Variants in CDC123 observed in about 807,000 individuals in gnomAD.
CDC123 encodes the protein translation initiation factor eIF2 assembly protein.
A neutral mutation model predicts 54.4 loss-of-function variants in CDC123; 37 were observed. The ratio of observed to expected loss-of-function variants is 0.68; its 90% CI spans 0.52 to 0.89. The LOEUF (loss-of-function observed/expected upper bound fraction) is 0.89, where lower values mean the gene tolerates loss of function less well. Among genes scored for constraint, CDC123 ranks in the 40% least tolerant of loss-of-function variants. CDC123 has a pLI of 0.00. For synonymous variants in CDC123, 144 were observed against 136.8 expected (o/e 1.05, Z -0.37); for missense variants, 361 against 412.1 (o/e 0.88, Z 1.07).
At chr10:12,218,273 G>T (rs1835688833) in intron 6 of CDC123, among the ~76,000 whole-genome samples, 1 of 141,778 alleles carries the variant, frequency 7.1e-6, no homozygotes. Context: ...TTGAGGCAGG[G>T]TCTCACTCTG....
At chr10:12,202,211 C>T (rs767950537) in intron 2 of CDC123, among the ~76,000 whole-genome samples, 8 of 152,096 alleles carry the variant, frequency 5.3e-5, no homozygotes, top group Non-Finnish European at 1.0e-4. Context: ...CCTGTTTCAC[C>T]GTCACTCCAT....
chr10:12,225,746 C>CTTTTTTTTTTTTT (rs60404885), intron 6 of CDC123, among the ~76,000 whole-genome samples: 12 of 66,958 alleles, frequency 1.8e-4, no homozygotes, highest in Admixed American at 4.5e-4. Flanking sequence ...TAGCTTCTCT[C>CTTTTTTTTTTTTT]TTTTTTTTTT....
chr10:12,200,634 TA>T (rs1835427565), intron 2 of CDC123, among the ~76,000 whole-genome samples: 1 of 152,100 alleles, frequency 6.6e-6, no homozygotes, highest in Non-Finnish European at 1.5e-5. Flanking sequence ...GCACTGATGT[TA>T]AATACTGTTA....
At chr10:12,218,247 CT>C (rs34125393) in intron 6 of CDC123, among the ~76,000 whole-genome samples, 2,566 of 119,118 alleles carry the variant, frequency 0.022, 36 homozygotes, top group African/African-American at 0.074. Context: ...CTTTTTTTTT[CT>C]TTTTTTTTTT....
intron 6 of CDC123, among the ~76,000 whole-genome samples, chr10:12,220,098 T>C (rs1017793598): frequency 6.6e-6 from 1 of 152,240 alleles, no homozygotes; most frequent in Non-Finnish European, 1.5e-5. Context: ...CCTGAAGTGC[T>C]GGGATTACAA....
At chr10:12,207,752 C>G (rs770941127) in intron 2 of CDC123, among the ~76,000 whole-genome samples, 8 of 152,200 alleles carry the variant, frequency 5.3e-5, no homozygotes, top group Non-Finnish European at 8.8e-5. Context: ...TTCAGTTTGA[C>G]TTTCACATAA....
At chr10:12,237,122 A>C (rs1835987975) in intron 8 of CDC123, 22 bp from the exon 9 acceptor site, 1 of 1,514,764 alleles carries the variant, frequency 6.6e-7, no homozygotes, top group Non-Finnish European at 8.8e-7. Context: ...TAATAACAGG[A>C]TGTAAAATAT....
At chr10:12,225,056 A>C (rs948130748) in intron 6 of CDC123, among the ~76,000 whole-genome samples, 1 of 152,064 alleles carries the variant, frequency 6.6e-6, no homozygotes, top group African/African-American at 2.4e-5. Context: ...TTTCCCAAGA[A>C]CCCCTTACAG....
Position 12,210,315 on chromosome 10 carries a change from C to T in CDC123, c.230C>T (p.Thr77Met), listed in dbSNP as rs1199476947. Reference protein sequence around the residue: ...IQWSDDENTATLTAPEFPEFA... With the variant: ...IQWSDDENTAMLTAPEFPEFA... ...TGGTCTGATGATGAGAACACAGCCA[C>T]GCTTACGGTAAGAGCACAGCAGACT... is the stretch of plus-strand genomic sequence containing the variant. The change falls in exon 4 of 13, where the codon ACG (threonine) becomes ATG (methionine). Residue 77 changes from threonine (T) to methionine (M), a missense_variant. Transcript: ENST00000281141. The T allele has an allele frequency of 2.7e-5, 44 of 1,613,914 alleles. No individual in the cohort carries two copies. The highest frequency in any genetic ancestry group is 3.5e-5 in the Non-Finnish European group (41 of 1,179,998).
chr10:12,206,180 T>C (rs1835516799), intron 2 of CDC123, among the ~76,000 whole-genome samples: 1 of 152,236 alleles, frequency 6.6e-6, no homozygotes. Context: ...TGCAATAATT[T>C]CTGAAGAACT....
rs908359908 is a variant in CDC123 at position 12,210,032 on chromosome 10, C to A, written c.204+8C>A. On this transcript the variant is annotated splice_region_variant and intron_variant, in intron 3 of 12. Transcript: ENST00000281141. ...GAAGCAGAAGAAATACAGGTTGGTA[C>A]CAAATAAAATAATCTGTTCTGTAGA... 2 of 1,613,220 alleles carry A rather than the reference C, an allele frequency of 1.2e-6. No homozygotes were observed. The highest frequency in any genetic ancestry group is 1.7e-6 in the Non-Finnish European group (2 of 1,179,366).
At chr10:12,229,606 GAGTATTTTTTCTCT>G in intron 6 of CDC123, among the ~76,000 whole-genome samples, 1 of 152,334 alleles carries the variant, frequency 6.6e-6, no homozygotes, top group East Asian at 1.9e-4. Flanking sequence ...TGGTGCTGCA[GAGTATTTTTTCTCT>G]AGTGTTTTTA....
chr10:12,203,428 G>T (rs1835469976), intron 2 of CDC123, among the ~76,000 whole-genome samples: 1 of 152,208 alleles, frequency 6.6e-6, no homozygotes, highest in Admixed American at 6.5e-5. Flanking sequence ...AATAGGCCAA[G>T]TATGATGACT....
At chr10:12,203,786 G>A (rs527385371) in intron 2 of CDC123, among the ~76,000 whole-genome samples, 7 of 152,156 alleles carry the variant, frequency 4.6e-5, no homozygotes, top group African/African-American at 7.2e-5. Flanking sequence ...GTTGTGTTGC[G>A]AAAAATGTTT....
chr10:12,230,877 T>C, intron 6 of CDC123, 71 bp from the exon 7 acceptor site: 5 of 1,370,990 alleles, frequency 3.6e-6, no homozygotes, highest in Non-Finnish European at 4.1e-6. Flanking sequence ...ATGTTAAATA[T>C]ATGTTAAGTG....
At chr10:12,201,750 C>G (rs1364893645) in intron 2 of CDC123, among the ~76,000 whole-genome samples, 2 of 152,122 alleles carry the variant, frequency 1.3e-5, no homozygotes, top group Non-Finnish European at 2.9e-5. Flanking sequence ...GAGAATGACT[C>G]GATCAGATTT....
At chr10:12,221,265 G>GGC (rs1167738446) in intron 6 of CDC123, among the ~76,000 whole-genome samples, 1 of 31,154 alleles carries the variant, frequency 3.2e-5, no homozygotes, top group Non-Finnish European at 6.0e-5. Context: ...AATGCTCAGT[G>GGC]GCTCACCAAG....
chr10:12,228,611 C>T (rs915588408), intron 6 of CDC123, among the ~76,000 whole-genome samples: 4 of 152,114 alleles, frequency 2.6e-5, no homozygotes, highest in Admixed American at 1.3e-4. Flanking sequence ...ACTCTTGTTG[C>T]CCAGGCTGGA....
chr10:12,225,267 C>T (rs957884331), intron 6 of CDC123, among the ~76,000 whole-genome samples: 18 of 152,094 alleles, frequency 1.2e-4, no homozygotes, highest in African/African-American at 4.1e-4. Flanking sequence ...TGGTGGCACA[C>T]GCCTGTAATC....
Sources: gnomAD v4.1 joint callset for allele counts (sites outside exome capture counted in the v4.1 genomes callset) on GRCh38, gnomAD v4.1.1 for gene constraint, MANE v1.5 for transcripts, NCBI Gene and HGNC (gene_info 2026-07-23, HGNC 2026-07-21) for gene names.